Variants in RBFOX1 observed in about 807,000 individuals in gnomAD.
RBFOX1 encodes the protein RNA binding protein fox-1 homolog 1.
Under a neutral mutation model 57.7 loss-of-function variants are expected in RBFOX1, and 8 were observed. That is an observed-to-expected ratio of 0.14 (90% CI 0.08 to 0.25). RBFOX1 has a LOEUF of 0.25. RBFOX1 is among the 10% of genes least tolerant of loss of function. The pLI is 1.00. For synonymous variants in RBFOX1, 326 were observed against 222.4 expected, an observed-to-expected ratio of 1.47 and a Z score of -4.15; for missense variants, 611 against 548.5, an observed-to-expected ratio of 1.11 and a Z score of -1.14.
intron 1 of RBFOX1, among the ~76,000 whole-genome samples, chr16:6,070,947 C>G (rs1488184939): frequency 1.3e-5 from 2 of 152,130 alleles, no homozygotes; most frequent in Admixed American, 6.5e-5. Flanking sequence ...AGGTTTTCAT[C>G]TTGTTCCTCT....
At chr16:7,444,288 T>A (rs2098792128) in intron 4 of RBFOX1, among the ~76,000 whole-genome samples, 1 of 152,148 alleles carries the variant, frequency 6.6e-6, no homozygotes, top group African/African-American at 2.4e-5. Flanking sequence ...GGGTGTGGTC[T>A]GGCTGGAACA....
At chr16:7,666,418 T>C (rs577991668) in intron 13 of RBFOX1, among the ~76,000 whole-genome samples, 8 of 152,338 alleles carry the variant, frequency 5.3e-5, no homozygotes, top group African/African-American at 1.9e-4. Context: ...TTCCTGAGTT[T>C]AGTTAAAAGT....
At chr16:6,648,718 A>G (rs1458901979) in intron 2 of RBFOX1, among the ~76,000 whole-genome samples, 1 of 152,150 alleles carries the variant, frequency 6.6e-6, no homozygotes, top group Non-Finnish European at 1.5e-5. Context: ...GAAATGCATC[A>G]CCTGGTCAGA....
chr16:5,545,798 T>C (rs945184033), intron 2 of RBFOX1, among the ~76,000 whole-genome samples: 2 of 152,222 alleles, frequency 1.3e-5, no homozygotes, highest in Admixed American at 6.5e-5. Context: ...TCTGCTCTTA[T>C]CACTTTTTTC....
At chr16:5,363,388 T>C (rs552335326) in intron 1 of RBFOX1, among the ~76,000 whole-genome samples, 3 of 152,284 alleles carry the variant, frequency 2.0e-5, no homozygotes, top group African/African-American at 7.2e-5. Flanking sequence ...GATCATATGG[T>C]AGTTCTACTT....
chr16:7,659,605 AAAG>A (rs1461481974), intron 12 of RBFOX1, among the ~76,000 whole-genome samples: 5 of 152,322 alleles, frequency 3.3e-5, no homozygotes, highest in East Asian at 1.9e-4. Context: ...AAAAGAAAAA[AAAG>A]AATCTCATAA....
intron 2 of RBFOX1, among the ~76,000 whole-genome samples, chr16:6,500,943 G>A (rs940040217): frequency 8.2e-6 from 1 of 122,422 alleles, no homozygotes. Context: ...TTTTGGGTTG[G>A]TGTTGCTGGA....
chr16:5,396,124 C>G (rs2066546579), intron 1 of RBFOX1, among the ~76,000 whole-genome samples: 1 of 152,156 alleles, frequency 6.6e-6, no homozygotes, highest in Non-Finnish European at 1.5e-5. Context: ...TTATGATAAT[C>G]TGTTATGTAG....
intron 2 of RBFOX1, among the ~76,000 whole-genome samples, chr16:5,479,057 G>A (rs1029753846): frequency 6.6e-5 from 10 of 152,156 alleles, no homozygotes; most frequent in African/African-American, 2.2e-4. Context: ...CTTGCCATCT[G>A]TTCCCTTCCA....
chr16:5,620,033 C>T (rs1342988139), intron 3 of RBFOX1, among the ~76,000 whole-genome samples: 1 of 151,320 alleles, frequency 6.6e-6, no homozygotes, highest in Non-Finnish European at 1.5e-5. Context: ...AACTCCAAGA[C>T]CTGAACTCAT....
intron 4 of RBFOX1, among the ~76,000 whole-genome samples, chr16:7,183,473 C>T (rs1318745582): frequency 3.9e-5 from 6 of 152,268 alleles, no homozygotes; most frequent in South Asian, 4.1e-4. Context: ...GTGAAACCTT[C>T]GTTGGGTTCA....
intron 14 of RBFOX1, among the ~76,000 whole-genome samples, chr16:7,697,203 C>T (rs1187357474): frequency 1.3e-5 from 2 of 152,046 alleles, no homozygotes; most frequent in African/African-American, 4.8e-5. Context: ...GTGACAATGG[C>T]TTGGGTTAGT....
At chr16:7,233,535 A>G (rs1239219883) in intron 4 of RBFOX1, among the ~76,000 whole-genome samples, 1 of 152,172 alleles carries the variant, frequency 6.6e-6, no homozygotes, top group Non-Finnish European at 1.5e-5. Flanking sequence ...AATTATTATT[A>G]AAGTCCTGAA....
chr16:7,271,192 G>A (rs562036728), intron 4 of RBFOX1, among the ~76,000 whole-genome samples: 64 of 152,184 alleles, frequency 4.2e-4, no homozygotes, highest in African/African-American at 1.3e-3. Flanking sequence ...AAATGGAGAC[G>A]GGATGCACTT....
At chr16:7,285,059 A>G (rs150402906) in intron 4 of RBFOX1, among the ~76,000 whole-genome samples, 10 of 117,572 alleles carry the variant, frequency 8.5e-5, no homozygotes, top group Admixed American at 4.0e-4. Flanking sequence ...GCCCTTTGCT[A>G]TCTATAGATT....
At chr16:6,155,595 G>A (rs2096832755) in intron 1 of RBFOX1, among the ~76,000 whole-genome samples, 1 of 152,178 alleles carries the variant, frequency 6.6e-6, no homozygotes, top group Admixed American at 6.5e-5. Context: ...TGCTGGCTGC[G>A]CAGTGGCCTA....
chr16:5,680,882 A>G (rs2050310877), intron 3 of RBFOX1, among the ~76,000 whole-genome samples: 1 of 144,524 alleles, frequency 6.9e-6, no homozygotes, highest in African/African-American at 2.6e-5. Flanking sequence ...CTTGCCCTAT[A>G]GAGCTTGTAT....
intron 2 of RBFOX1, among the ~76,000 whole-genome samples, chr16:6,514,737 G>A (rs813911): frequency 1 from 151,892 of 152,202 alleles, 75,792 homozygotes; most frequent in Middle Eastern, 1. Context: ...AGTAATAATG[G>A]TAATTATTCT....
chr16:5,413,734 G>A (rs906161439), intron 1 of RBFOX1, among the ~76,000 whole-genome samples: 6 of 152,190 alleles, frequency 3.9e-5, no homozygotes, highest in South Asian at 2.1e-4. Context: ...TATAACCTTC[G>A]TTGTGGGACA....
Sources: gnomAD v4.1 joint callset for allele counts (sites outside exome capture counted in the v4.1 genomes callset) on GRCh38, gnomAD v4.1.1 for gene constraint, MANE v1.5 for transcripts, NCBI Gene and HGNC (gene_info 2026-07-23, HGNC 2026-07-21) for gene names.